The following ABHD17C variants were observed in gnomAD, a reference collection of about 807,000 sequenced individuals.
ABHD17C encodes the protein abhydrolase domain containing 17C, depalmitoylase.
A neutral mutation model predicts 27.9 loss-of-function variants in ABHD17C; 11 were observed. The ratio of observed to expected loss-of-function variants is 0.39; its 90% CI spans 0.25 to 0.65. ABHD17C has a LOEUF of 0.65. Ranked by LOEUF, ABHD17C falls within the 30% of genes least tolerant of loss-of-function variation. ABHD17C has a pLI of 0.45. For missense variants in ABHD17C, 280 were observed against 470.2 expected (o/e 0.60, Z 3.74); for synonymous variants, 233 against 209.1 (o/e 1.11, Z -0.98).
At position 80,739,248 on chromosome 15, in the gene ABHD17C, A is replaced by C. The variant is rs575035280; in HGVS notation, c.591-10265A>C. 5.9e-5 allele frequency among the ~76,000 whole-genome samples: 9 copies of C among 152,346 alleles called. No individual in the cohort carries two copies. The South Asian group carries it at 1.9e-3, about 32-fold the overall frequency. The stretch of plus-strand genomic sequence containing the variant: ...GTAGAGAAGCCTCCCCTGGCCCCTG[A>C]AAACACAGCCTACCTGTGAGCTCTC... On this transcript the variant is annotated intron_variant, in intron 1 of 2. Coordinates refer to ENST00000258884, the MANE Select transcript of ABHD17C (RefSeq NM_021214.2).
Position 80,754,384 on chromosome 15 carries a change from A to G in ABHD17C, c.*14A>G, listed in dbSNP as rs772048957. The G allele has an allele frequency of 6.3e-7, 1 of 1,597,842 alleles. No homozygotes were observed. The highest frequency in any genetic ancestry group is 8.6e-7 in the Non-Finnish European group (1 of 1,168,720). On this transcript the variant is annotated 3_prime_UTR_variant, in exon 3 of 3. Coordinates refer to ENST00000258884, the MANE Select transcript of ABHD17C (RefSeq NM_021214.2). ...CCTAATTCCTGAAGACAACAACTTG[A>G]TCTTACCTCATTTACTGTGAACAGA...
intron 1 of ABHD17C, among the ~76,000 whole-genome samples, chr15:80,708,293 TTTTTGTTTTG>T (rs570879028): frequency 2.0e-4 from 30 of 151,778 alleles, no homozygotes; most frequent in South Asian, 6.3e-4. Flanking sequence ...CTTCTCTATT[TTTTTGTTTTG>T]TTTTGTTTTG....
At chr15:80,701,981 C>A (rs994062959) in intron 1 of ABHD17C, among the ~76,000 whole-genome samples, 2 of 152,036 alleles carry the variant, frequency 1.3e-5, no homozygotes, top group East Asian at 3.9e-4. Flanking sequence ...TTTATCAGTA[C>A]CAGAAGCTGA....
chr15:80,710,270 G>C (rs1049415629), intron 1 of ABHD17C, among the ~76,000 whole-genome samples: 1 of 152,172 alleles, frequency 6.6e-6, no homozygotes, highest in Non-Finnish European at 1.5e-5. Context: ...GGGGTGCAGG[G>C]GTAAGAGGAG....
chr15:80,750,324 G>A (rs1057106954), intron 2 of ABHD17C, among the ~76,000 whole-genome samples: 5 of 152,204 alleles, frequency 3.3e-5, no homozygotes, highest in East Asian at 3.9e-4. Context: ...CACTTTGACC[G>A]GAAGATCTCA....
intron 1 of ABHD17C, among the ~76,000 whole-genome samples, chr15:80,734,512 A>G (rs1034878187): frequency 1.3e-5 from 2 of 152,242 alleles, no homozygotes; most frequent in Admixed American, 6.5e-5. Context: ...ATTCTATTTT[A>G]CTTGTAGCAG....
At chr15:80,698,436 G>A (rs927647747) in intron 1 of ABHD17C, among the ~76,000 whole-genome samples, 2 of 152,198 alleles carry the variant, frequency 1.3e-5, no homozygotes, top group Admixed American at 6.5e-5. Flanking sequence ...CTCATGTATG[G>A]ACACTGCACA....
At chr15:80,699,868 T>G (rs186466491) in intron 1 of ABHD17C, among the ~76,000 whole-genome samples, 1 of 152,262 alleles carries the variant, frequency 6.6e-6, no homozygotes, top group East Asian at 1.9e-4. Flanking sequence ...GCATGAACAA[T>G]GAGGAGAGCT....
chr15:80,739,299 A>C (rs1403548614), intron 1 of ABHD17C, among the ~76,000 whole-genome samples: 1 of 152,216 alleles, frequency 6.6e-6, no homozygotes, highest in African/African-American at 2.4e-5. Context: ...CAGGTTCCAC[A>C]GGCAACAACT....
At chr15:80,747,698 T>G (rs944969672) in intron 1 of ABHD17C, among the ~76,000 whole-genome samples, 1 of 152,208 alleles carries the variant, frequency 6.6e-6, no homozygotes, top group African/African-American at 2.4e-5. Flanking sequence ...AACCTGCATC[T>G]GGGGGCCTCT....
intron 1 of ABHD17C, among the ~76,000 whole-genome samples, chr15:80,717,397 A>AT (rs150538003): frequency 0.097 from 14,002 of 143,806 alleles, 843 homozygotes; most frequent in Middle Eastern, 0.17. Context: ...ATTACAACAA[A>AT]TTTTTTTTTT....
At chr15:80,708,089 C>G (rs536427968) in intron 1 of ABHD17C, among the ~76,000 whole-genome samples, 2 of 152,260 alleles carry the variant, frequency 1.3e-5, no homozygotes, top group Admixed American at 6.5e-5. Flanking sequence ...CACTCTCTTC[C>G]TTTTATCCAG....
chr15:80,727,079 A>G (rs1029212423), intron 1 of ABHD17C, among the ~76,000 whole-genome samples: 1 of 152,254 alleles, frequency 6.6e-6, no homozygotes, highest in Non-Finnish European at 1.5e-5. Flanking sequence ...GGTTTAACTT[A>G]AAGTACAAAA....
chr15:80,749,605 C>A lies in ABHD17C; in HGVS notation c.683C>A (p.Ala228Glu). ...VDLASRYECA[A>E]VILHSPLMSG... ...TTGGCCTCGAGGTATGAATGCGCAG[C>A]GGTAATTCTCCATTCCCCTCTGATG... The change falls in exon 2 of 3, where the codon GCG (alanine) becomes GAG (glutamate). Residue 228 changes from alanine (A) to glutamate (E), a missense_variant. Ala to Glu is a moderately radical substitution (Grantham distance 107). Coordinates refer to ENST00000258884, the MANE Select transcript of ABHD17C (RefSeq NM_021214.2). The A allele has an allele frequency of 6.2e-7, 1 of 1,613,890 alleles. No homozygotes were observed. Among genetic ancestry groups the A allele is most frequent in the Non-Finnish European group, 8.5e-7 (1 of 1,179,816 alleles).
At chr15:80,745,468 A>T (rs911423533) in intron 1 of ABHD17C, among the ~76,000 whole-genome samples, 3 of 151,952 alleles carry the variant, frequency 2.0e-5, no homozygotes, top group African/African-American at 7.3e-5. Flanking sequence ...TCCTGGGCCC[A>T]AGTGATCCTC....
intron 2 of ABHD17C, among the ~76,000 whole-genome samples, chr15:80,753,393 T>A (rs1895389533): frequency 6.6e-6 from 1 of 152,182 alleles, no homozygotes; most frequent in Admixed American, 6.5e-5. Context: ...GAAATCCAAA[T>A]AAAGTCTGGA....
At chr15:80,735,139 G>C (rs1354390539) in intron 1 of ABHD17C, among the ~76,000 whole-genome samples, 1 of 152,082 alleles carries the variant, frequency 6.6e-6, no homozygotes, top group Non-Finnish European at 1.5e-5. Flanking sequence ...CTCAGGGACT[G>C]GTCTTTCTTA....
intron 1 of ABHD17C, among the ~76,000 whole-genome samples, chr15:80,703,793 A>G (rs1343810921): frequency 6.6e-6 from 1 of 152,212 alleles, no homozygotes; most frequent in East Asian, 1.9e-4. Flanking sequence ...ATACATTTAT[A>G]TACAGCTATC....
At chr15:80,705,858 G>A (rs772026070) in intron 1 of ABHD17C, among the ~76,000 whole-genome samples, 1 of 152,170 alleles carries the variant, frequency 6.6e-6, no homozygotes, top group Non-Finnish European at 1.5e-5. Context: ...ATCTACCTAG[G>A]TGTTTATATG....
Sources: gnomAD v4.1 joint callset for allele counts (sites outside exome capture counted in the v4.1 genomes callset) on GRCh38, gnomAD v4.1.1 for gene constraint, MANE v1.5 for transcripts, NCBI Gene and HGNC (gene_info 2026-07-23, HGNC 2026-07-21) for gene names.